Variants in SLC2A13 observed in about 807,000 individuals in gnomAD.
SLC2A13 encodes the protein proton myo-inositol cotransporter.
A neutral mutation model predicts 64.4 loss-of-function variants in SLC2A13; 32 were observed. That is an observed-to-expected ratio of 0.50 (90% confidence interval 0.37 to 0.67). SLC2A13 has a LOEUF of 0.67. Among genes scored for constraint, SLC2A13 ranks in the 30% least tolerant of loss-of-function variants. The pLI is 0.00. For missense variants in SLC2A13, 743 were observed against 829.2 expected, an observed-to-expected ratio of 0.90 and a Z score of 1.28; for synonymous variants, 338 against 327.1, an observed-to-expected ratio of 1.03 and a Z score of -0.36.
At chr12:39,843,557 C>T (rs1943229794) in intron 6 of SLC2A13, among the ~76,000 whole-genome samples, 1 of 152,016 alleles carries the variant, frequency 6.6e-6, no homozygotes, top group Non-Finnish European at 1.5e-5. Flanking sequence ...TAATACAATT[C>T]CTTATATGAA....
At chr12:39,788,164 C>A (rs921953564) in intron 7 of SLC2A13, among the ~76,000 whole-genome samples, 1 of 152,034 alleles carries the variant, frequency 6.6e-6, no homozygotes, top group Non-Finnish European at 1.5e-5. Context: ...GATCCTCATA[C>A]CTAGTACCAA....
chr12:39,963,216 G>A (rs1410215144), intron 3 of SLC2A13, among the ~76,000 whole-genome samples: 1 of 150,862 alleles, frequency 6.6e-6, no homozygotes, highest in Non-Finnish European at 1.5e-5. Context: ...GAATCCAGGA[G>A]GTGGAGCTTG....
chr12:40,100,445 A>G (rs1032665512), intron 1 of SLC2A13, among the ~76,000 whole-genome samples: 6 of 152,218 alleles, frequency 3.9e-5, no homozygotes, highest in African/African-American at 1.4e-4. Flanking sequence ...TGTACATGCT[A>G]ATAGTGTTAA....
intron 5 of SLC2A13, among the ~76,000 whole-genome samples, chr12:39,869,126 A>G (rs2135935712): frequency 6.6e-6 from 1 of 152,354 alleles, no homozygotes; most frequent in East Asian, 1.9e-4. Context: ...ATATATCTAC[A>G]TATAAATGAA....
intron 4 of SLC2A13, among the ~76,000 whole-genome samples, chr12:39,904,314 C>T (rs1267884585): frequency 6.6e-6 from 1 of 152,096 alleles, no homozygotes; most frequent in Non-Finnish European, 1.5e-5. Context: ...CAGCAGAAAC[C>T]ACATTGTAGT....
chr12:39,892,368 T>C (rs911196188), intron 4 of SLC2A13, among the ~76,000 whole-genome samples: 6 of 152,148 alleles, frequency 3.9e-5, no homozygotes, highest in African/African-American at 1.4e-4. Flanking sequence ...CCAGGGAGAT[T>C]CTTGGAACTG....
intron 6 of SLC2A13, among the ~76,000 whole-genome samples, chr12:39,860,181 G>A (rs957891452): frequency 6.6e-6 from 1 of 152,240 alleles, no homozygotes; most frequent in Non-Finnish European, 1.5e-5. Flanking sequence ...TGCCCTAGGA[G>A]AGGAGTGTGA....
At chr12:39,876,600 A>G (rs1944190173) in intron 4 of SLC2A13, among the ~76,000 whole-genome samples, 1 of 152,212 alleles carries the variant, frequency 6.6e-6, no homozygotes, top group Non-Finnish European at 1.5e-5. Context: ...GAGGTAGAAC[A>G]TGAAGATAAT....
chr12:39,785,372 C>T (rs759485312), intron 7 of SLC2A13, among the ~76,000 whole-genome samples: 91 of 152,286 alleles, frequency 6.0e-4, no homozygotes, highest in Non-Finnish European at 9.7e-4. Context: ...TTCCATGTGG[C>T]GTTGAGCCTG....
At chr12:39,761,754 A>G (rs191648292) in intron 9 of SLC2A13, among the ~76,000 whole-genome samples, 14 of 152,198 alleles carry the variant, frequency 9.2e-5, no homozygotes, top group Non-Finnish European at 1.8e-4. Context: ...AATTATGATG[A>G]AGATAAAGAA....
chr12:39,838,558 A>G (rs2135867192), intron 6 of SLC2A13, among the ~76,000 whole-genome samples: 1 of 151,632 alleles, frequency 6.6e-6, no homozygotes, highest in South Asian at 2.1e-4. Context: ...GAAAGGGGAA[A>G]AGTAAGTATT....
chr12:39,971,747 G>A (rs1946649014), intron 3 of SLC2A13, among the ~76,000 whole-genome samples: 1 of 151,816 alleles, frequency 6.6e-6, no homozygotes, highest in Admixed American at 6.6e-5. Context: ...GGCCGAGGTG[G>A]GCAGATCACC....
chr12:39,892,727 T>C (rs1459268627), intron 4 of SLC2A13, among the ~76,000 whole-genome samples: 3 of 152,094 alleles, frequency 2.0e-5, no homozygotes, highest in African/African-American at 2.4e-5. Context: ...AAATAAACAA[T>C]ATCAAATTTG....
chr12:39,992,704 G>C (rs1353912500), intron 3 of SLC2A13, among the ~76,000 whole-genome samples: 5 of 152,086 alleles, frequency 3.3e-5, no homozygotes, highest in African/African-American at 1.2e-4. Context: ...CTTAGTAGTA[G>C]TAGTATTAAC....
At position 40,028,448 on chromosome 12, in the gene SLC2A13, G is replaced by A; in HGVS notation, c.778C>T (p.Pro260Ser). ...TGAATAAGCCATCGAGGGCTTTCAG[G>A]CAAAAAGAGAAAGCCAAAAAACTGT... ...VIQFFGFLFL[P>S]ESPRWLIQKG... The change falls in exon 3 of 10, where the codon CCT becomes TCT. Residue 260 changes from proline (P) to serine (S), a missense_variant. Transcript: ENST00000280871. 6.2e-7 allele frequency: 1 copy of A among 1,613,878 alleles called. No homozygotes were observed. The highest frequency in any genetic ancestry group is 8.5e-7 in the Non-Finnish European group (1 of 1,179,926).
At chr12:39,885,065 G>T (rs1271637189) in intron 4 of SLC2A13, among the ~76,000 whole-genome samples, 2 of 152,330 alleles carry the variant, frequency 1.3e-5, no homozygotes, top group South Asian at 2.1e-4. Context: ...ACAGTGATAT[G>T]AATTGTGACT....
intron 1 of SLC2A13, among the ~76,000 whole-genome samples, chr12:40,096,086 ATTT>A (rs751983372): frequency 7.1e-6 from 1 of 141,106 alleles, no homozygotes; most frequent in Non-Finnish European, 1.6e-5. Context: ...CGCCTGGCTA[ATTT>A]TTTTTTTTTT....
chr12:39,852,067 C>G (rs555028382), intron 6 of SLC2A13, among the ~76,000 whole-genome samples: 1 of 152,144 alleles, frequency 6.6e-6, no homozygotes, highest in Non-Finnish European at 1.5e-5. Context: ...GACTAAAACA[C>G]AGGTGTGTGT....
rs1175351798 is a variant in SLC2A13 at position 40,022,548 on chromosome 12, T to C, written c.925+5753A>G. Among the ~76,000 whole-genome samples the C allele has an allele frequency of 2.6e-5, 4 of 152,316 alleles. No individual in the cohort carries two copies. In the East Asian group the frequency reaches 7.7e-4, roughly 29 times the overall value. ...CTAGGTAATATTAACTGTAAAACAA[T>C]TTTTAAGGCCGGGTGTTGTGGCTCA... On this transcript the variant is annotated intron_variant, in intron 3 of 9. Coordinates refer to ENST00000280871, the MANE Select transcript of SLC2A13 (RefSeq NM_052885.4).
Sources: allele counts gnomAD v4.1 joint callset (sites outside exome capture counted in the v4.1 genomes callset), GRCh38; gene constraint gnomAD v4.1.1; transcripts MANE v1.5; gene names NCBI Gene and HGNC (gene_info 2026-07-23, HGNC 2026-07-21).